DNAH11: variants seen among roughly 807,000 people sequenced by gnomAD.
The protein encoded by DNAH11 is axonemal beta dynein heavy chain 11.
A neutral mutation model predicts 526.0 loss-of-function variants in DNAH11; 442 were observed. The observed-to-expected ratio is 0.84, with a 90% CI of 0.78 to 0.91. The LOEUF (loss-of-function observed/expected upper bound fraction) is 0.91, where lower values mean the gene tolerates loss of function less well. Among genes scored for constraint, DNAH11 ranks in the 40% least tolerant of loss-of-function variants. DNAH11 has a pLI of 0.00. For missense variants in DNAH11, 6,989 were observed against 5,448.7 expected (o/e 1.28, Z -8.90); for synonymous variants, 2,461 against 1,935.9 (o/e 1.27, Z -7.12).
At chr7:21,834,800 A>G (rs1453802756) in intron 65 of DNAH11, among the ~76,000 whole-genome samples, 1 of 152,160 alleles carries the variant, frequency 6.6e-6, no homozygotes, top group Non-Finnish European at 1.5e-5. Flanking sequence ...AGCTATGATC[A>G]CACCACTGCA....
rs1785717281 is a variant in DNAH11, at chr7:21,615,279, T to G, written c.4011+7T>G. ...TGTCATTATTTATGTTCGAGTAAGA[T>G]GTGCTTTTTCAAAACATGCTTTTTA... On this transcript the variant is annotated splice_region_variant and intron_variant, in intron 21 of 81. Coordinates refer to ENST00000409508, the MANE Select transcript of DNAH11 (RefSeq NM_001277115.2). The G allele has an allele frequency of 6.2e-7, 1 of 1,608,534 alleles. No individual in the cohort carries two copies.
chr7:21,594,217 C>A (rs1350157809), intron 14 of DNAH11, among the ~76,000 whole-genome samples: 1 of 152,122 alleles, frequency 6.6e-6, no homozygotes, highest in African/African-American at 2.4e-5. Context: ...AATGAAGGTC[C>A]TTGTCTCTAG....
At chr7:21,703,240 C>A (rs920303962) in intron 37 of DNAH11, among the ~76,000 whole-genome samples, 5 of 152,106 alleles carry the variant, frequency 3.3e-5, no homozygotes, top group Non-Finnish European at 7.3e-5. Context: ...TGCCTGACAC[C>A]AATGAAATGC....
At chr7:21,757,321 AT>A (rs2128495107) in intron 54 of DNAH11, among the ~76,000 whole-genome samples, 1 of 152,336 alleles carries the variant, frequency 6.6e-6, no homozygotes, top group South Asian at 2.1e-4. Context: ...ACTTTCCATC[AT>A]TGAGTATGGG....
At chr7:21,693,052 G>A (rs975424020) in intron 35 of DNAH11, among the ~76,000 whole-genome samples, 1 of 152,032 alleles carries the variant, frequency 6.6e-6, no homozygotes, top group Non-Finnish European at 1.5e-5. Flanking sequence ...TTTGTGGCTT[G>A]CCTTTTCATT....
intron 73 of DNAH11, among the ~76,000 whole-genome samples, chr7:21,872,532 A>C (rs10254159): frequency 6.6e-6 from 1 of 152,088 alleles, no homozygotes; most frequent in African/African-American, 2.4e-5. Flanking sequence ...AAGCCAGAGA[A>C]CATGTAAGGT....
At chr7:21,760,722 A>G (rs1325148731) in intron 54 of DNAH11, among the ~76,000 whole-genome samples, 1 of 152,178 alleles carries the variant, frequency 6.6e-6, no homozygotes, top group Non-Finnish European at 1.5e-5. Flanking sequence ...TGATGAGAGA[A>G]GTAGTTGGCT....
At chr7:21,759,297 G>A in intron 54 of DNAH11, among the ~76,000 whole-genome samples, 1 of 152,176 alleles carries the variant, frequency 6.6e-6, no homozygotes, top group East Asian at 1.9e-4. Flanking sequence ...AATCTGTGAT[G>A]TCCAATATTT....
chr7:21,813,279 T>G (rs542764341), intron 63 of DNAH11, among the ~76,000 whole-genome samples: 1 of 152,308 alleles, frequency 6.6e-6, no homozygotes, highest in South Asian at 2.1e-4. Flanking sequence ...CAGCAGTTTA[T>G]AGACAGAGCA....
At chr7:21,900,444 T>TATAATCATTTCAAAATCTTTCTTC (rs1784738910) in intron 81 of DNAH11, among the ~76,000 whole-genome samples, 2 of 101,764 alleles carry the variant, frequency 2.0e-5, no homozygotes, top group African/African-American at 3.0e-5. Flanking sequence ...CTTTCTTCTA[T>TATAATCATTTCAAAATCTTTCTTC]TGTTTAAAAA....
chr7:21,558,703 T>C (rs965861432), intron 2 of DNAH11, 99 bp from the exon 3 acceptor site: 9 of 834,252 alleles, frequency 1.1e-5, no homozygotes, highest in Non-Finnish European at 1.7e-5. Context: ...TGGATATTTA[T>C]GAAATTGGAC....
intron 66 of DNAH11, among the ~76,000 whole-genome samples, chr7:21,846,308 G>A (rs187502856): frequency 1.2e-3 from 183 of 152,128 alleles, no homozygotes; most frequent in Non-Finnish European, 2.3e-3. Flanking sequence ...TGATCTTAGG[G>A]CAAAAGCATC....
chr7:21,638,075 T>G (rs1227905484), intron 27 of DNAH11, among the ~76,000 whole-genome samples: 1 of 152,218 alleles, frequency 6.6e-6, no homozygotes, highest in Non-Finnish European at 1.5e-5. Context: ...GTAGTTTCAT[T>G]TTATTAGAAA....
Position 21,681,545 on chromosome 7 carries a change from G to C in DNAH11, c.5329-1G>C. The C allele has an allele frequency of 6.2e-7, 1 of 1,613,332 alleles. No individual in the cohort carries two copies. The highest frequency in any genetic ancestry group is 8.5e-7 in the Non-Finnish European group (1 of 1,179,532). On this transcript the variant is annotated splice_acceptor_variant, in intron 30 of 81. Transcript: ENST00000409508. LOFTEE classifies it high-confidence loss of function. Reference sequence around the variant, plus strand: ...CCTTTTTAAAAAATGATTCCTTCTAGATTTCTCAGCTGAATACACTGATTA... The same window carrying C: ...CCTTTTTAAAAAATGATTCCTTCTACATTTCTCAGCTGAATACACTGATTA...
At chr7:21,824,213 A>G (rs1387009517) in intron 65 of DNAH11, among the ~76,000 whole-genome samples, 2 of 152,186 alleles carry the variant, frequency 1.3e-5, no homozygotes, top group African/African-American at 4.8e-5. Flanking sequence ...ACTGATACCT[A>G]TAAAATACAT....
chr7:21,630,995 G>C (rs565281558), intron 25 of DNAH11, among the ~76,000 whole-genome samples: 1 of 152,040 alleles, frequency 6.6e-6, no homozygotes, highest in East Asian at 1.9e-4. Flanking sequence ...TCCTGATAAC[G>C]ACATACCCAG....
At chr7:21,559,836 G>T in intron 4 of DNAH11, 44 bp downstream of exon 4, 1 of 1,472,584 alleles carries the variant, frequency 6.8e-7, no homozygotes, top group Non-Finnish European at 9.3e-7. Flanking sequence ...TTAGCAAAGT[G>T]TCCTGAGCTG....
intron 76 of DNAH11, among the ~76,000 whole-genome samples, chr7:21,888,039 G>T (rs950542030): frequency 6.6e-6 from 1 of 152,096 alleles, no homozygotes; most frequent in Non-Finnish European, 1.5e-5. Flanking sequence ...AGAACAACAC[G>T]GGCAATACGG....
intron 56 of DNAH11, among the ~76,000 whole-genome samples, chr7:21,778,276 C>G (rs1787769842): frequency 6.6e-6 from 1 of 152,148 alleles, no homozygotes; most frequent in Admixed American, 6.5e-5. Flanking sequence ...TAGTGATGGA[C>G]TGATGGGAGA....
Sources: gnomAD v4.1 joint callset for allele counts (sites outside exome capture counted in the v4.1 genomes callset) on GRCh38, gnomAD v4.1.1 for gene constraint, MANE v1.5 for transcripts, NCBI Gene and HGNC (gene_info 2026-07-23, HGNC 2026-07-21) for gene names.